SLC8A1: variants seen among roughly 807,000 people sequenced by gnomAD.
SLC8A1 encodes solute carrier family 8 member A1, also known as sodium/calcium exchanger 1.
Under a neutral mutation model 68.3 loss-of-function variants are expected in SLC8A1, and 18 were observed. The observed-to-expected ratio is 0.26, with a 90% confidence interval of 0.18 to 0.39. The LOEUF (loss-of-function observed/expected upper bound fraction) is 0.39, where lower values mean the gene tolerates loss of function less well. Among genes scored for constraint, SLC8A1 ranks in the 10% least tolerant of loss-of-function variants. The probability of loss-of-function intolerance (pLI) is 1.00; values close to 1 mark genes in which losing one functional copy is unlikely to be tolerated. For missense variants in SLC8A1, 985 were observed against 1,156.7 expected (o/e 0.85, Z 2.15); for synonymous variants, 475 against 415.5 (o/e 1.14, Z -1.74).
chr2:40,241,510 C>A (rs1395274368), intron 2 of SLC8A1, among the ~76,000 whole-genome samples: 3 of 152,210 alleles, frequency 2.0e-5, no homozygotes, highest in Non-Finnish European at 4.4e-5. Flanking sequence ...TCCTTCCTCA[C>A]AGGTATTAAA....
intron 2 of SLC8A1, among the ~76,000 whole-genome samples, chr2:40,407,199 G>T (rs938997735): frequency 3.3e-5 from 5 of 152,050 alleles, no homozygotes; most frequent in Admixed American, 2.0e-4. Flanking sequence ...CTGAGTATCT[G>T]GGATTACAGG....
chr2:40,316,560 G>T (rs945506674), intron 2 of SLC8A1, among the ~76,000 whole-genome samples: 1 of 152,014 alleles, frequency 6.6e-6, no homozygotes, highest in Non-Finnish European at 1.5e-5. Context: ...CTTTAGCTGA[G>T]ATCATGAGTT....
chr2:40,415,844 T>A (rs1293972694), intron 2 of SLC8A1, among the ~76,000 whole-genome samples: 1 of 141,982 alleles, frequency 7.0e-6, no homozygotes, highest in Non-Finnish European at 1.5e-5. Flanking sequence ...TGAAACCCCA[T>A]CTCTACTAAA....
At chr2:40,382,884 T>A (rs775153204) in intron 2 of SLC8A1, among the ~76,000 whole-genome samples, 6 of 152,128 alleles carry the variant, frequency 3.9e-5, no homozygotes, top group African/African-American at 7.2e-5. Context: ...ATAAGAGGGA[T>A]TCTATTATAA....
intron 1 of SLC8A1, among the ~76,000 whole-genome samples, chr2:40,476,378 A>G (rs1177028542): frequency 6.6e-6 from 1 of 152,184 alleles, no homozygotes; most frequent in Non-Finnish European, 1.5e-5. Context: ...TTAGGGAGAG[A>G]GAAATAAAGT....
chr2:40,252,403 G>A (rs2062902744), intron 2 of SLC8A1, among the ~76,000 whole-genome samples: 1 of 152,068 alleles, frequency 6.6e-6, no homozygotes, highest in East Asian at 1.9e-4. Context: ...CATGATCTCG[G>A]CTCACTGCAA....
chr2:40,173,318 T>G (rs1252750797), intron 4 of SLC8A1, among the ~76,000 whole-genome samples: 1 of 152,184 alleles, frequency 6.6e-6, no homozygotes, highest in East Asian at 1.9e-4. Context: ...TTCCTGCACT[T>G]GATTTAAAAA....
At chr2:40,162,788 G>GA (rs2045909038) in intron 5 of SLC8A1, among the ~76,000 whole-genome samples, 1 of 152,066 alleles carries the variant, frequency 6.6e-6, no homozygotes, top group Non-Finnish European at 1.5e-5. Flanking sequence ...AAAGGCTTGT[G>GA]AAAACCTCAC....
At chr2:40,264,515 C>T (rs2065109214) in intron 2 of SLC8A1, among the ~76,000 whole-genome samples, 2 of 152,122 alleles carry the variant, frequency 1.3e-5, no homozygotes, top group African/African-American at 2.4e-5. Flanking sequence ...GAATACTATG[C>T]AGCCATAAAA....
chr2:40,121,552 CT>C (rs1354969598), intron 7 of SLC8A1, among the ~76,000 whole-genome samples: 1 of 152,114 alleles, frequency 6.6e-6, no homozygotes, highest in Non-Finnish European at 1.5e-5. Flanking sequence ...CCTATTCCAG[CT>C]ACCCTAAAAG....
rs570718913 is a variant in SLC8A1, at chr2:40,490,299, T to C, written c.-25+22050A>G. Among the ~76,000 whole-genome samples the C allele has an allele frequency of 5.9e-5, 9 of 152,286 alleles. No homozygotes were observed. The South Asian group carries it at 1.7e-3, about 28-fold the overall frequency. On this transcript the variant is annotated intron_variant, in intron 1 of 7. Coordinates refer to the SLC8A1 transcript ENST00000402441. ...TACTGTTTTAACTTTTGATTTTTGA[T>C]GTGGATTTTAAACAGACACTTTAGT... is the stretch of plus-strand genomic sequence containing the variant.
intron 2 of SLC8A1, among the ~76,000 whole-genome samples, chr2:40,351,295 G>C (rs1388700416): frequency 6.6e-6 from 1 of 152,112 alleles, no homozygotes; most frequent in Non-Finnish European, 1.5e-5. Context: ...TGCCATGGAT[G>C]ATACATGATT....
At chr2:40,421,553 T>C (rs1292092109) in intron 2 of SLC8A1, among the ~76,000 whole-genome samples, 1 of 152,204 alleles carries the variant, frequency 6.6e-6, no homozygotes, top group Non-Finnish European at 1.5e-5. Flanking sequence ...TTTATTAATA[T>C]GTGAATTGCT....
At chr2:40,399,912 C>A (rs923220725) in intron 2 of SLC8A1, among the ~76,000 whole-genome samples, 1 of 152,158 alleles carries the variant, frequency 6.6e-6, no homozygotes, top group African/African-American at 2.4e-5. Context: ...GACCGCCCGG[C>A]GCCACACCCT....
At chr2:40,149,537 A>G (rs1201987124) in intron 6 of SLC8A1, among the ~76,000 whole-genome samples, 1 of 152,184 alleles carries the variant, frequency 6.6e-6, no homozygotes, top group Non-Finnish European at 1.5e-5. Context: ...CAGAGAAAAT[A>G]TCTCATGCAC....
chr2:40,314,758 T>C (rs1025938191), intron 2 of SLC8A1, among the ~76,000 whole-genome samples: 1 of 152,050 alleles, frequency 6.6e-6, no homozygotes, highest in Non-Finnish European at 1.5e-5. Flanking sequence ...ATATTTTTGA[T>C]GACATTGTAA....
At chr2:40,284,222 A>G (rs910071710) in intron 2 of SLC8A1, among the ~76,000 whole-genome samples, 4 of 151,350 alleles carry the variant, frequency 2.6e-5, no homozygotes, top group African/African-American at 9.7e-5. Flanking sequence ...AGTTGTTTAT[A>G]TCTATATGCC....
At chr2:40,245,731 G>A (rs1298302323) in intron 2 of SLC8A1, among the ~76,000 whole-genome samples, 1 of 151,386 alleles carries the variant, frequency 6.6e-6, no homozygotes, top group Non-Finnish European at 1.5e-5. Context: ...CTGCTCTCCT[G>A]TGATGTATAT....
chr2:40,214,435 CTTTT>C (rs34050040), intron 2 of SLC8A1, among the ~76,000 whole-genome samples: 1 of 141,396 alleles, frequency 7.1e-6, no homozygotes. Context: ...TGTACACTAT[CTTTT>C]TTTTTTTTTT....
Sources: gnomAD v4.1 joint callset for allele counts (sites outside exome capture counted in the v4.1 genomes callset) on GRCh38, gnomAD v4.1.1 for gene constraint, MANE v1.5 for transcripts, NCBI Gene and HGNC (gene_info 2026-07-23, HGNC 2026-07-21) for gene names.